PAPSS1: variants seen among roughly 807,000 people sequenced by gnomAD.
The protein encoded by PAPSS1 is 3'-phosphoadenosine 5'-phosphosulfate synthase 1, also known as bifunctional 3'-phosphoadenosine 5'-phosphosulfate synthase 1.
In PAPSS1, 50 loss-of-function variants were observed where a neutral mutation model predicts 72.0. The observed-to-expected ratio is 0.69, with a 90% CI of 0.55 to 0.88. PAPSS1 has a LOEUF of 0.88. Ranked by LOEUF, PAPSS1 falls within the 40% of genes least tolerant of loss-of-function variation. PAPSS1 has a pLI of 0.00. For synonymous variants in PAPSS1, 261 were observed against 263.6 expected (o/e 0.99, Z 0.09); for missense variants, 657 against 782.2 (o/e 0.84, Z 1.91).
chr4:107,664,444 A>T (rs754146925), intron 5 of PAPSS1, among the ~76,000 whole-genome samples: 7 of 152,110 alleles, frequency 4.6e-5, no homozygotes, highest in African/African-American at 7.2e-5. Flanking sequence ...GCTCACAAAG[A>T]CTGAAGACCA....
intron 4 of PAPSS1, among the ~76,000 whole-genome samples, chr4:107,684,968 C>G (rs1234333045): frequency 2.0e-5 from 3 of 152,004 alleles, no homozygotes; most frequent in Admixed American, 6.6e-5. Context: ...TGCAGTGGCA[C>G]AATTTCGGCT....
intron 5 of PAPSS1, among the ~76,000 whole-genome samples, chr4:107,670,595 G>C (rs1727442680): frequency 6.6e-6 from 1 of 152,238 alleles, no homozygotes; most frequent in East Asian, 1.9e-4. Context: ...CTGGAGGGCA[G>C]TGGCAGAATC....
At chr4:107,698,058 T>C (rs1329351221) in intron 2 of PAPSS1, among the ~76,000 whole-genome samples, 2 of 152,222 alleles carry the variant, frequency 1.3e-5, no homozygotes, top group Non-Finnish European at 2.9e-5. Flanking sequence ...CCTCGAGAAC[T>C]GTGGGAGAAT....
At chr4:107,642,053 G>C (rs1296674188) in intron 10 of PAPSS1, among the ~76,000 whole-genome samples, 1 of 152,026 alleles carries the variant, frequency 6.6e-6, no homozygotes, top group Non-Finnish European at 1.5e-5. Flanking sequence ...GGTATTGTAA[G>C]AATACAAAGA....
At chr4:107,645,136 C>A in intron 9 of PAPSS1, 66 bp from the exon 10 acceptor site, 3 of 1,287,776 alleles carry the variant, frequency 2.3e-6, no homozygotes, top group Non-Finnish European at 2.0e-6. Context: ...AAAGGATACG[C>A]AATTTTTCTT....
At chr4:107,711,293 C>A (rs914139612) in intron 1 of PAPSS1, among the ~76,000 whole-genome samples, 1 of 152,168 alleles carries the variant, frequency 6.6e-6, no homozygotes, top group Non-Finnish European at 1.5e-5. Context: ...TATTGCATGT[C>A]CTCTGATATT....
intron 1 of PAPSS1, among the ~76,000 whole-genome samples, chr4:107,714,268 C>T (rs1723580020): frequency 6.6e-6 from 1 of 152,176 alleles, no homozygotes; most frequent in Non-Finnish European, 1.5e-5. Flanking sequence ...CCGACCCCCA[C>T]CCTGCTCCCT....
chr4:107,711,629 A>C (rs117889243), intron 1 of PAPSS1, among the ~76,000 whole-genome samples: 1 of 152,360 alleles, frequency 6.6e-6, no homozygotes, highest in African/African-American at 2.4e-5. Context: ...TCCTCCAATG[A>C]GAAATCCCTG....
intron 1 of PAPSS1, among the ~76,000 whole-genome samples, chr4:107,702,329 C>A (rs1723226239): frequency 6.6e-6 from 1 of 152,152 alleles, no homozygotes; most frequent in Admixed American, 6.6e-5. Flanking sequence ...ATTATACTCA[C>A]AAGAAATGAA....
intron 10 of PAPSS1, among the ~76,000 whole-genome samples, chr4:107,642,207 A>T (rs1303702431): frequency 6.6e-6 from 1 of 152,194 alleles, no homozygotes. Context: ...ATAGGATATT[A>T]TAAGAATTTA....
intron 8 of PAPSS1, among the ~76,000 whole-genome samples, chr4:107,653,917 T>G (rs541394204): frequency 6.6e-6 from 1 of 152,236 alleles, no homozygotes; most frequent in Non-Finnish European, 1.5e-5. Flanking sequence ...TATCATACAT[T>G]TATTAACAGA....
At chr4:107,694,506 T>C (rs7668000) in intron 2 of PAPSS1, among the ~76,000 whole-genome samples, 9,365 of 145,228 alleles carry the variant, frequency 0.064, 965 homozygotes, top group African/African-American at 0.21. Context: ...TTAACTAATT[T>C]TATTAGCAGA....
intron 2 of PAPSS1, among the ~76,000 whole-genome samples, chr4:107,700,479 G>A (rs1195362196): frequency 6.6e-6 from 1 of 152,188 alleles, no homozygotes; most frequent in East Asian, 1.9e-4. Context: ...TTCACTTTGT[G>A]AAAATTCTTG....
intron 9 of PAPSS1, among the ~76,000 whole-genome samples, chr4:107,648,286 T>C (rs1726744794): frequency 6.6e-6 from 1 of 152,202 alleles, no homozygotes; most frequent in South Asian, 2.1e-4. Flanking sequence ...CGTGAACACA[T>C]GTAGGACAAG....
chr4:107,692,324 A>C (rs1466695425), intron 3 of PAPSS1, among the ~76,000 whole-genome samples: 2 of 152,210 alleles, frequency 1.3e-5, no homozygotes, highest in Non-Finnish European at 2.9e-5. Flanking sequence ...AAAGTGGGCA[A>C]AGGGTATGAA....
intron 10 of PAPSS1, among the ~76,000 whole-genome samples, chr4:107,636,726 A>C (rs1439831887): frequency 1.3e-5 from 2 of 152,180 alleles, no homozygotes; most frequent in African/African-American, 4.8e-5. Flanking sequence ...AATTCAAATA[A>C]ATAATACTTA....
chr4:107,622,776 T>G (rs1405085440), intron 11 of PAPSS1, among the ~76,000 whole-genome samples: 1 of 152,254 alleles, frequency 6.6e-6, no homozygotes, highest in Non-Finnish European at 1.5e-5. Context: ...TTGTACACAA[T>G]AATGATGGTG....
At chr4:107,669,706 T>G (rs1727422641) in intron 5 of PAPSS1, among the ~76,000 whole-genome samples, 1 of 152,080 alleles carries the variant, frequency 6.6e-6, no homozygotes, top group African/African-American at 2.4e-5. Flanking sequence ...AAAAGGAGGG[T>G]GATACCAAAA....
intron 1 of PAPSS1, among the ~76,000 whole-genome samples, chr4:107,701,817 T>C (rs1723210818): frequency 6.6e-6 from 1 of 152,094 alleles, no homozygotes; most frequent in Non-Finnish European, 1.5e-5. Flanking sequence ...AGAGTGCCTC[T>C]TTAGAGAGGA....
Sources: allele counts gnomAD v4.1 joint callset (sites outside exome capture counted in the v4.1 genomes callset), GRCh38; gene constraint gnomAD v4.1.1; transcripts MANE v1.5; gene names NCBI Gene and HGNC (gene_info 2026-07-23, HGNC 2026-07-21).